GFRA1: variants seen among roughly 807,000 people sequenced by gnomAD.
GFRA1 encodes GDNF family receptor alpha-1.
GFRA1 carries 16 observed loss-of-function variants against 51.6 expected under a neutral mutation model. The observed-to-expected ratio is 0.31, with a 90% CI of 0.21 to 0.47. The LOEUF is 0.47. GFRA1 is among the 20% of genes least tolerant of loss of function. GFRA1 has a pLI of 1.00. For synonymous variants in GFRA1, 270 were observed against 241.3 expected, an observed-to-expected ratio of 1.12 and a Z score of -1.10; for missense variants, 530 against 594.3, an observed-to-expected ratio of 0.89 and a Z score of 1.13.
intron 4 of GFRA1, among the ~76,000 whole-genome samples, chr10:116,256,893 C>T (rs1968903184): frequency 6.7e-6 from 1 of 149,114 alleles, no homozygotes; most frequent in African/African-American, 2.5e-5. Flanking sequence ...TGGACAGCAC[C>T]ATCCCTCCCA....
At chr10:116,136,372 T>G (rs1311138792) in intron 5 of GFRA1, among the ~76,000 whole-genome samples, 1 of 152,216 alleles carries the variant, frequency 6.6e-6, no homozygotes, top group Non-Finnish European at 1.5e-5. Flanking sequence ...TCCACTGATA[T>G]TTAGCTATTT....
chr10:116,106,541 A>G (rs2530335), intron 6 of GFRA1, among the ~76,000 whole-genome samples: 27,348 of 151,838 alleles, frequency 0.18, 2,479 homozygotes, highest in Middle Eastern at 0.23. Flanking sequence ...TCCTGGGGGC[A>G]GACTTCTCAT....
At chr10:116,188,968 G>T (rs1454117191) in intron 5 of GFRA1, among the ~76,000 whole-genome samples, 1 of 151,138 alleles carries the variant, frequency 6.6e-6, no homozygotes, top group Non-Finnish European at 1.5e-5. Flanking sequence ...AAAAAATAAG[G>T]GTGGGGGCAG....
At chr10:116,268,293 T>C (rs576701854) in intron 4 of GFRA1, among the ~76,000 whole-genome samples, 3 of 152,348 alleles carry the variant, frequency 2.0e-5, no homozygotes, top group East Asian at 3.9e-4. Flanking sequence ...TTTATTCATC[T>C]ATAAAATGGA....
In GFRA1 at chr10:116,057,414, C is replaced by T. The variant is rs977100771; in HGVS notation, c.*6984G>A. On this transcript the variant is annotated 3_prime_UTR_variant, in exon 11 of 11. Transcript: ENST00000355422. ...TAAAAATCAGAAGCCGCCTTCTACTCTACCGTGCTATAAACCTGCATGAAA... is the reference window on the plus strand; with the variant it reads ...TAAAAATCAGAAGCCGCCTTCTACTTTACCGTGCTATAAACCTGCATGAAA... 1 of 152,192 alleles carries T rather than the reference C, an allele frequency of 6.6e-6. No individual in the cohort carries two copies. 9.4% of individuals were successfully genotyped at this position (152,192 alleles called of 1,614,324 possible).
At chr10:116,095,802 C>T (rs1956546178) in intron 7 of GFRA1, among the ~76,000 whole-genome samples, 1 of 152,170 alleles carries the variant, frequency 6.6e-6, no homozygotes, top group Admixed American at 6.5e-5. Context: ...CCGGCAGGAA[C>T]ACACACCCTG....
chr10:116,245,629 AAATGTTTAT>A (rs1344697182), intron 4 of GFRA1, among the ~76,000 whole-genome samples: 5 of 152,238 alleles, frequency 3.3e-5, no homozygotes, highest in Non-Finnish European at 7.3e-5. Flanking sequence ...AACGAAACAC[AAATGTTTAT>A]AGCTTTATTC....
chr10:116,071,304 A>G (rs1955381240), intron 9 of GFRA1, among the ~76,000 whole-genome samples: 1 of 152,184 alleles, frequency 6.6e-6, no homozygotes, highest in Admixed American at 6.5e-5. Flanking sequence ...AACCTCAGCC[A>G]GAGGCTTTCA....
At chr10:116,090,500 A>G (rs1237236494) in intron 8 of GFRA1, among the ~76,000 whole-genome samples, 1 of 150,424 alleles carries the variant, frequency 6.6e-6, no homozygotes, top group Non-Finnish European at 1.5e-5. Context: ...AAGTAAGATT[A>G]TTTTTTTTCT....
intron 4 of GFRA1, among the ~76,000 whole-genome samples, chr10:116,221,524 A>G (rs548169772): frequency 6.6e-6 from 1 of 152,234 alleles, no homozygotes; most frequent in Admixed American, 6.5e-5. Context: ...TCCCAGGTTC[A>G]AGCAATTCTC....
rs1255070203 is a variant in GFRA1, at chr10:116,058,318, C to G, written c.*6080G>C. 6.6e-6 allele frequency: 1 copy of G among 152,078 alleles called. No homozygotes were observed. Among genetic ancestry groups the G allele is most frequent in the Non-Finnish European group, 1.5e-5 (1 of 68,000 alleles). The allele number at this position is 152,078 out of a possible 1,614,324, so 9.4% of individuals were successfully genotyped here. ...GTTTTGCTCCTTTGAGCACTGCTGA[C>G]TGTTTGCTTTCCTCAGCTAAAGCAG... On this transcript the variant is annotated 3_prime_UTR_variant, in exon 11 of 11. Coordinates refer to ENST00000355422, the MANE Select transcript of GFRA1 (RefSeq NM_005264.8).
At chr10:116,217,015 G>GTGAT (rs1453641996) in intron 4 of GFRA1, among the ~76,000 whole-genome samples, 74 of 152,316 alleles carry the variant, frequency 4.9e-4, no homozygotes, top group African/African-American at 1.7e-3. Context: ...GCAAATCTCT[G>GTGAT]TGAATGCAGT....
intron 5 of GFRA1, among the ~76,000 whole-genome samples, chr10:116,210,480 C>T (rs184806921): frequency 1.3e-5 from 2 of 152,290 alleles, no homozygotes; most frequent in East Asian, 1.9e-4. Context: ...CGAACAGTCA[C>T]GATACCTTTT....
At position 116,093,683 on chromosome 10, in the gene GFRA1, T is replaced by C; in HGVS notation, c.1015+19A>G. 2 of 1,612,002 alleles carry C rather than the reference T, an allele frequency of 1.2e-6. No homozygotes were observed. The highest frequency in any genetic ancestry group is 2.7e-5 in the African/African-American group (2 of 75,006). ...GAAAATGCGTTTGCTCCTTTGTTTCTTATTTTTTACAAACTCACTAAGACA... is the reference window on the plus strand; with the variant it reads ...GAAAATGCGTTTGCTCCTTTGTTTCCTATTTTTTACAAACTCACTAAGACA... On this transcript the variant is annotated intron_variant, in intron 8 of 10. Transcript: ENST00000355422.
chr10:116,135,788 A>G (rs1439200329), intron 5 of GFRA1, among the ~76,000 whole-genome samples: 1 of 152,190 alleles, frequency 6.6e-6, no homozygotes, highest in African/African-American at 2.4e-5. Flanking sequence ...ACAGCTAAAT[A>G]TTTTTCAGCA....
chr10:116,209,831 C>T (rs1342230231), intron 5 of GFRA1, among the ~76,000 whole-genome samples: 6 of 151,930 alleles, frequency 3.9e-5, no homozygotes, highest in Admixed American at 2.0e-4. Context: ...TACCAGCGGG[C>T]GAGTTCTTTG....
rs1321920481 is a variant in GFRA1, at chr10:116,057,270, G to C, written c.*7128C>G. On this transcript the variant is annotated 3_prime_UTR_variant, in exon 11 of 11. Coordinates refer to ENST00000355422, the MANE Select transcript of GFRA1 (RefSeq NM_005264.8). The stretch of plus-strand genomic sequence containing the variant: ...CTCAGTAAACACACAATATAACATG[G>C]AGACCCGCCCGAAGCCTAACTGGAG... 5 of 152,162 alleles carry C rather than the reference G, an allele frequency of 3.3e-5. No individual in the cohort carries two copies. Among genetic ancestry groups the C allele is most frequent in the Non-Finnish European group, 7.3e-5 (5 of 68,064 alleles). 9.4% of individuals were successfully genotyped at this position (152,162 alleles called of 1,614,324 possible). A position where few individuals can be genotyped will look rare whatever the true frequency, so the allele number is the denominator to read the frequency against.
chr10:116,097,932 A>G (rs1956668733), intron 6 of GFRA1, among the ~76,000 whole-genome samples: 1 of 152,224 alleles, frequency 6.6e-6, no homozygotes, highest in Non-Finnish European at 1.5e-5. Flanking sequence ...AAGGAAGCGC[A>G]TTATGCATCC....
intron 4 of GFRA1, among the ~76,000 whole-genome samples, chr10:116,223,510 C>T (rs1031368807): frequency 6.6e-6 from 1 of 152,220 alleles, no homozygotes; most frequent in African/African-American, 2.4e-5. Context: ...CTCTCTCCAT[C>T]GTCCCATGTC....
Sources: allele counts gnomAD v4.1 joint callset (sites outside exome capture counted in the v4.1 genomes callset), GRCh38; gene constraint gnomAD v4.1.1; transcripts MANE v1.5; gene names NCBI Gene and HGNC (gene_info 2026-07-23, HGNC 2026-07-21).